Variants in PDS5B observed in about 807,000 individuals in gnomAD.
The protein encoded by PDS5B is PDS5 cohesin associated factor B.
PDS5B carries 51 observed loss-of-function variants against 184.1 expected under a neutral mutation model. The observed-to-expected ratio is 0.28, with a 90% confidence interval of 0.22 to 0.35. PDS5B has a LOEUF of 0.35. Among genes scored for constraint, PDS5B ranks in the 10% least tolerant of loss-of-function variants. PDS5B has a pLI of 1.00. For missense variants in PDS5B, 1,180 were observed against 1,723.3 expected, an observed-to-expected ratio of 0.68 and a Z score of 5.58; for synonymous variants, 566 against 569.2, an observed-to-expected ratio of 0.99 and a Z score of 0.08.
intron 12 of PDS5B, among the ~76,000 whole-genome samples, chr13:32,687,884 G>A (rs1245718307): frequency 1.3e-5 from 2 of 152,028 alleles, no homozygotes; most frequent in Non-Finnish European, 2.9e-5. Flanking sequence ...AGAAAATTAA[G>A]AAGCAGGTCA....
At chr13:32,716,747 T>G (rs1310224124) in intron 19 of PDS5B, among the ~76,000 whole-genome samples, 1 of 79,926 alleles carries the variant, frequency 1.3e-5, no homozygotes, top group Non-Finnish European at 2.6e-5. Context: ...TACTGGGAAG[T>G]GAGGGGCCCC....
chr13:32,749,331 C>T lies in PDS5B; in HGVS notation c.2736+3231C>T, dbSNP rs74908316. ...ACTTGCTCTGAGTCTTTTATTTTAT[C>T]TGCAGTCCTCTGATACGTACAGGAC... On this transcript the variant is annotated intron_variant, in intron 24 of 34. Coordinates refer to ENST00000315596, the MANE Select transcript of PDS5B (RefSeq NM_015032.4). Among the ~76,000 whole-genome samples the T allele has an allele frequency of 2.5e-3, 377 of 152,274 alleles. 2 individuals are homozygous for T. Among genetic ancestry groups the T allele is most frequent in the African/African-American group, 8.6e-3 (356 of 41,554 alleles).
chr13:32,695,888 T>G (rs1004128822), intron 14 of PDS5B, among the ~76,000 whole-genome samples: 9 of 152,050 alleles, frequency 5.9e-5, no homozygotes, highest in African/African-American at 2.2e-4. Context: ...TCTTTTTGCT[T>G]GTCTTAAAAT....
intron 1 of PDS5B, among the ~76,000 whole-genome samples, chr13:32,628,150 ATAC>A (rs2058397954): frequency 6.6e-6 from 1 of 152,246 alleles, no homozygotes; most frequent in South Asian, 2.1e-4. Flanking sequence ...CTTTTAAAAA[ATAC>A]TTTATTACAA....
chr13:32,703,863 CT>C (rs201133968), intron 17 of PDS5B, among the ~76,000 whole-genome samples: 1 of 151,348 alleles, frequency 6.6e-6, no homozygotes, highest in East Asian at 1.9e-4. Context: ...TAAGGTTGAA[CT>C]TTTTTTTTCA....
At chr13:32,688,645 C>T in intron 13 of PDS5B, 76 bp downstream of exon 13, 1 of 856,856 alleles carries the variant, frequency 1.2e-6, no homozygotes, top group Non-Finnish European at 2.0e-6. Context: ...AAACTACAAA[C>T]ACCTGTATTT....
Position 32,721,140 on chromosome 13 carries a change from C to G in PDS5B, c.2124-10961C>G, listed in dbSNP as rs1477452362. Reference sequence around the variant, plus strand: ...ACCACCATTGTCATCATGGCCCGTTCTCAATGAGCTGTTGGGTACACCTCC... The same window carrying G: ...ACCACCATTGTCATCATGGCCCGTTGTCAATGAGCTGTTGGGTACACCTCC... On this transcript the variant is annotated intron_variant, in intron 19 of 34. Transcript: ENST00000315596. 2.0e-5 allele frequency among the ~76,000 whole-genome samples: 3 copies of G among 152,256 alleles called. No homozygotes were observed. In the East Asian group the frequency reaches 5.8e-4, roughly 29 times the overall value.
intron 21 of PDS5B, among the ~76,000 whole-genome samples, chr13:32,735,752 A>G (rs1434732577): frequency 6.6e-6 from 1 of 152,166 alleles, no homozygotes; most frequent in African/African-American, 2.4e-5. Flanking sequence ...TGGGAGAGGA[A>G]ATAATGATTT....
chr13:32,677,430 A>G (rs570935385), intron 9 of PDS5B, among the ~76,000 whole-genome samples: 1 of 151,928 alleles, frequency 6.6e-6, no homozygotes, highest in Non-Finnish European at 1.5e-5. Context: ...TTATGTTGTA[A>G]TTTTTCCTTT....
At chr13:32,657,523 A>G (rs531573263) in intron 3 of PDS5B, among the ~76,000 whole-genome samples, 4 of 152,324 alleles carry the variant, frequency 2.6e-5, no homozygotes, top group African/African-American at 9.6e-5. Flanking sequence ...CCAACTGACC[A>G]CACTGCACCT....
chr13:32,605,630 T>A (rs2058048614), intron 1 of PDS5B, among the ~76,000 whole-genome samples: 1 of 152,204 alleles, frequency 6.6e-6, no homozygotes, highest in African/African-American at 2.4e-5. Flanking sequence ...ATATCCTTGT[T>A]AACTTTCTGT....
At chr13:32,753,617 T>C (rs1954065418) in intron 25 of PDS5B, 81 bp downstream of exon 25, 6 of 816,960 alleles carry the variant, frequency 7.3e-6, no homozygotes, top group South Asian at 4.8e-5. Context: ...ATATATGATA[T>C]TACTGTTATT....
intron 30 of PDS5B, among the ~76,000 whole-genome samples, chr13:32,762,677 C>G (rs60672300): frequency 9.2e-5 from 14 of 152,150 alleles, no homozygotes; most frequent in South Asian, 8.3e-4. Flanking sequence ...ACTCTTCCCC[C>G]CTCTATATTT....
chr13:32,740,819 T>TA (rs1221960156), intron 21 of PDS5B, among the ~76,000 whole-genome samples: 1 of 152,078 alleles, frequency 6.6e-6, no homozygotes, highest in East Asian at 1.9e-4. Context: ...TGTAAGAAGT[T>TA]AGAGTTAGTC....
intron 31 of PDS5B, among the ~76,000 whole-genome samples, chr13:32,765,327 G>A (rs1052714089): frequency 6.6e-6 from 1 of 152,184 alleles, no homozygotes; most frequent in African/African-American, 2.4e-5. Flanking sequence ...ATCAGAGTAA[G>A]TGACTTAGCC....
At chr13:32,632,606 A>G (rs2058475937) in intron 1 of PDS5B, among the ~76,000 whole-genome samples, 1 of 152,212 alleles carries the variant, frequency 6.6e-6, no homozygotes, top group Non-Finnish European at 1.5e-5. Flanking sequence ...TCAAAAAGCT[A>G]ATCATAAAGT....
chr13:32,639,175 G>T (rs943432858), intron 1 of PDS5B, among the ~76,000 whole-genome samples: 3 of 151,912 alleles, frequency 2.0e-5, no homozygotes, highest in African/African-American at 7.3e-5. Context: ...CTTTCTGTGC[G>T]GTTAGAAACT....
At chr13:32,666,277 C>T (rs1032360430) in intron 6 of PDS5B, among the ~76,000 whole-genome samples, 2 of 152,016 alleles carry the variant, frequency 1.3e-5, no homozygotes, top group Admixed American at 6.6e-5. Flanking sequence ...GGGGTTTTGC[C>T]ATGTTGACCA....
At chr13:32,769,828 A>G (rs561655126) in intron 31 of PDS5B, among the ~76,000 whole-genome samples, 1 of 152,324 alleles carries the variant, frequency 6.6e-6, no homozygotes, top group East Asian at 1.9e-4. Context: ...TTTTAATGAG[A>G]TAGCTCTTCA....
Sources: gnomAD v4.1 joint callset for allele counts (sites outside exome capture counted in the v4.1 genomes callset) on GRCh38, gnomAD v4.1.1 for gene constraint, MANE v1.5 for transcripts, NCBI Gene and HGNC (gene_info 2026-07-23, HGNC 2026-07-21) for gene names.